The following ITGAE variants were observed in gnomAD, a reference collection of about 807,000 sequenced individuals.
ITGAE encodes the protein integrin subunit alpha E, also known as integrin alpha-E.
A neutral mutation model predicts 136.5 loss-of-function variants in ITGAE; 99 were observed. The ratio of observed to expected loss-of-function variants is 0.73; its 90% confidence interval spans 0.62 to 0.86. The LOEUF (loss-of-function observed/expected upper bound fraction) is 0.86, where lower values mean the gene tolerates loss of function less well. Ranked by LOEUF, ITGAE falls within the 40% of genes least tolerant of loss-of-function variation. ITGAE has a pLI of 0.00. For synonymous variants in ITGAE, 613 were observed against 591.8 expected, an observed-to-expected ratio of 1.04 and a Z score of -0.52; for missense variants, 1,447 against 1,515.3, an observed-to-expected ratio of 0.95 and a Z score of 0.75.
rs1035921594 is a variant in ITGAE, at chr17:3,794,946, G to A, written c.34+6165C>T. Among the ~76,000 whole-genome samples the A allele has an allele frequency of 1.1e-4, 16 of 152,044 alleles. No homozygotes were observed. The East Asian group carries it at 1.2e-3, about 11-fold the overall frequency. ...GTGGCACCCCCCCGCTCTGCCCGGC[G>A]CACCCTCTGCACACTCCTGCCTCCA... On this transcript the variant is annotated intron_variant, in intron 1 of 30. Transcript: ENST00000263087.
intron 1 of ITGAE, among the ~76,000 whole-genome samples, chr17:3,780,926 A>G (rs998568469): frequency 4.6e-5 from 7 of 151,294 alleles, no homozygotes; most frequent in African/African-American, 1.7e-4. Context: ...CTGGTCTCCA[A>G]CTCCTGGGCT....
intron 2 of ITGAE, among the ~76,000 whole-genome samples, chr17:3,765,180 T>C (rs906971961): frequency 7.3e-5 from 11 of 151,604 alleles, no homozygotes; most frequent in Non-Finnish European, 1.2e-4. Flanking sequence ...AAACCCCGTC[T>C]CTACTAAAAA....
At chr17:3,789,728 T>C (rs534078871) in intron 1 of ITGAE, among the ~76,000 whole-genome samples, 1 of 152,304 alleles carries the variant, frequency 6.6e-6, no homozygotes, top group African/African-American at 2.4e-5. Context: ...CTTGAACTCC[T>C]GATCTCAAGT....
At chr17:3,742,616 G>A (rs982835414) in intron 19 of ITGAE, among the ~76,000 whole-genome samples, 6 of 150,970 alleles carry the variant, frequency 4.0e-5, no homozygotes, top group African/African-American at 7.3e-5. Context: ...CACCACACTG[G>A]GCTAATCTTT....
Position 3,761,895 on chromosome 17 carries a change from C to G in ITGAE, c.315+20G>C, listed in dbSNP as rs1171758952. ...CACCAGCCTCCCTAAGGCCCTCCCT[C>G]CTCTCGCTCCTGCACTCACCAAAAC... On this transcript the variant is annotated intron_variant, in intron 4 of 30. Coordinates refer to ENST00000263087, the MANE Select transcript of ITGAE (RefSeq NM_002208.5). The G allele has an allele frequency of 1.2e-6, 2 of 1,610,492 alleles. No homozygotes were observed. Among genetic ancestry groups the G allele is most frequent in the South Asian group, 2.2e-5 (2 of 90,774 alleles).
In ITGAE at chr17:3,750,465, C is replaced by T. The variant is rs112808026; in HGVS notation, c.1911G>A (p.Thr637=). 14,550 of 1,614,038 alleles carry T rather than the reference C, an allele frequency of 9.0e-3. 221 individuals are homozygous for T. The highest frequency in any genetic ancestry group is 0.053 in the South Asian group (4,791 of 91,084). The change falls in exon 16 of 31, where the codon ACG becomes ACA. Residue 637 remains threonine, a synonymous_variant. Coordinates refer to ENST00000263087, the MANE Select transcript of ITGAE (RefSeq NM_002208.5). ...ASPSQRIRAS[T]VAPGLQYFGM... ...CGAAGTACTGGAGTCCTGGGGCCAC[C>T]GTGGAGGCTCTGATCCGCTGTGGAG...
intron 1 of ITGAE, among the ~76,000 whole-genome samples, chr17:3,795,942 TCC>T (rs1233808451): frequency 2.1e-4 from 31 of 144,968 alleles, no homozygotes; most frequent in African/African-American, 7.2e-4. Flanking sequence ...TGTGTGTGCA[TCC>T]GTGTGTGCAT....
At chr17:3,785,362 G>A (rs1193193328) in intron 1 of ITGAE, among the ~76,000 whole-genome samples, 1 of 151,398 alleles carries the variant, frequency 6.6e-6, no homozygotes, top group Non-Finnish European at 1.5e-5. Flanking sequence ...CCAACCACTT[G>A]GGAGGCTGAG....
intron 1 of ITGAE, among the ~76,000 whole-genome samples, chr17:3,797,738 G>A (rs1167853380): frequency 6.6e-6 from 1 of 152,160 alleles, no homozygotes; most frequent in Non-Finnish European, 1.5e-5. Context: ...TGGGATTTCA[G>A]GCGTGAGCCA....
chr17:3,724,130 T>TCCCGACGAC, intron 26 of ITGAE: 1 of 1,594,696 alleles, frequency 6.3e-7, no homozygotes, highest in Non-Finnish European at 8.5e-7. Flanking sequence ...ATCCTGACGA[T>TCCCGACGAC]CCCGACGACC....
chr17:3,737,874 G>A (rs974349191), intron 20 of ITGAE, among the ~76,000 whole-genome samples: 9 of 152,148 alleles, frequency 5.9e-5, no homozygotes, highest in African/African-American at 9.7e-5. Flanking sequence ...GTACACTAGG[G>A]GGCGATGTAG....
chr17:3,723,785 A>T, intron 26 of ITGAE, 41 bp from the exon 27 acceptor site: 1 of 1,600,804 alleles, frequency 6.2e-7, no homozygotes, highest in South Asian at 1.1e-5. Context: ...GAACAAACCA[A>T]GCCGCCAGTT....
chr17:3,794,418 C>A (rs1597375079), intron 1 of ITGAE, among the ~76,000 whole-genome samples: 1 of 152,210 alleles, frequency 6.6e-6, no homozygotes, highest in South Asian at 2.1e-4. Flanking sequence ...CTGTGCTTGG[C>A]CTTCCTTGTT....
At chr17:3,725,897 C>T (rs771964344) in intron 26 of ITGAE, 67 of 1,612,646 alleles carry the variant, frequency 4.2e-5, no homozygotes, top group Non-Finnish European at 5.3e-5. Context: ...ACTGGGGGAA[C>T]GTGCTCTTAA....
At position 3,729,722 on chromosome 17, in the gene ITGAE, G is replaced by A; in HGVS notation, c.2835-167C>T. ...CAATTCTCATGCCTCAGCCTCCTGA[G>A]TAGCTGGAATTACAGGCGTGAGCCA... On this transcript the variant is annotated intron_variant, in intron 23 of 30. Coordinates refer to ENST00000263087, the MANE Select transcript of ITGAE (RefSeq NM_002208.5). The A allele has an allele frequency of 6.8e-6, 4 of 584,596 alleles. No homozygotes were observed. In the South Asian group the frequency reaches 7.0e-5, roughly 10 times the overall value. The allele number at this position is 584,596 out of a possible 1,614,324, so 36.2% of individuals were successfully genotyped here.
chr17:3,755,192 T>C lies in ITGAE; in HGVS notation c.1309A>G (p.Ser437Gly). ...TGGTTCAGGAAGCGGCCCCGGCGGC[T>C]GCGTGTGTCGTAGAGCAACGCCCCT... is the stretch of plus-strand genomic sequence containing the variant. ...SGGALLYDTR[S>G]RRGRFLNQTA... Residue 437 changes from serine to glycine, a missense_variant, in exon 12 of 31, where the codon AGC becomes GGC. Transcript: ENST00000263087. 1 of 1,549,152 alleles carries C rather than the reference T, an allele frequency of 6.5e-7. No individual in the cohort carries two copies. The highest frequency in any genetic ancestry group is 8.7e-7 in the Non-Finnish European group (1 of 1,146,880).
In ITGAE at chr17:3,733,213, G is replaced by C. The variant is rs559421113; in HGVS notation, c.2656-747C>G. ...TTAGCCAGGCTGGTCTCGAACTCCTGACCTCAAGTGATCCACCCACTTCAG... is the reference window on the plus strand; with the variant it reads ...TTAGCCAGGCTGGTCTCGAACTCCTCACCTCAAGTGATCCACCCACTTCAG... On this transcript the variant is annotated intron_variant, in intron 21 of 30. Transcript: ENST00000263087. Among the ~76,000 whole-genome samples the C allele has an allele frequency of 7.2e-5, 11 of 152,096 alleles. No individual in the cohort carries two copies. In the East Asian group the frequency reaches 2.1e-3, roughly 29 times the overall value.
At chr17:3,777,299 T>C (rs963544789) in intron 2 of ITGAE, among the ~76,000 whole-genome samples, 4 of 152,172 alleles carry the variant, frequency 2.6e-5, no homozygotes, top group African/African-American at 7.2e-5. Context: ...CCCTGGGCAA[T>C]GGAGCAGGGA....
At chr17:3,753,510 T>C (rs574491944) in intron 13 of ITGAE, 80 bp from the exon 14 acceptor site, 124 of 1,523,824 alleles carry the variant, frequency 8.1e-5, no homozygotes, top group Non-Finnish European at 1.0e-4. Flanking sequence ...GCCCGCGTGC[T>C]TCCTGGACCA....
Sources: allele counts gnomAD v4.1 joint callset (sites outside exome capture counted in the v4.1 genomes callset), GRCh38; gene constraint gnomAD v4.1.1; transcripts MANE v1.5; gene names NCBI Gene and HGNC (gene_info 2026-07-23, HGNC 2026-07-21).